Variants in TAFA2 observed in about 807,000 individuals in gnomAD.
The protein encoded by TAFA2 is chemokine-like protein TAFA-2.
Under a neutral mutation model 18.8 loss-of-function variants are expected in TAFA2, and 7 were observed. The observed-to-expected ratio is 0.37, with a 90% CI of 0.21 to 0.70. The LOEUF is 0.70. Among genes scored for constraint, TAFA2 ranks in the 30% least tolerant of loss-of-function variants. TAFA2 has a pLI of 0.53. For synonymous variants in TAFA2, 60 were observed against 54.2 expected (o/e 1.11, Z -0.47); for missense variants, 122 against 158.1 (o/e 0.77, Z 1.23).
At chr12:61,871,743 C>T (rs762137596) in intron 1 of TAFA2, among the ~76,000 whole-genome samples, 7 of 152,136 alleles carry the variant, frequency 4.6e-5, no homozygotes, top group Non-Finnish European at 1.0e-4. Flanking sequence ...CTTATGTACA[C>T]GGAACTTTAG....
chr12:61,962,781 G>A (rs2136655717), intron 1 of TAFA2, among the ~76,000 whole-genome samples: 1 of 151,756 alleles, frequency 6.6e-6, no homozygotes, highest in East Asian at 1.9e-4. Context: ...TTAAGTTCTG[G>A]GGTACATGTG....
At chr12:62,015,898 G>T (rs932545227) in intron 1 of TAFA2, among the ~76,000 whole-genome samples, 3 of 152,200 alleles carry the variant, frequency 2.0e-5, no homozygotes, top group African/African-American at 7.2e-5. Flanking sequence ...AGGGATAGGA[G>T]AATGGGGATT....
chr12:62,022,026 C>A, intron 1 of TAFA2: 1 of 631,434 alleles, frequency 1.6e-6, no homozygotes, highest in Non-Finnish European at 3.1e-6. Context: ...CTAGCGGCCA[C>A]CTTATCAGCA....
At chr12:62,130,770 A>T (rs1033502634) in intron 1 of TAFA2, among the ~76,000 whole-genome samples, 1 of 151,944 alleles carries the variant, frequency 6.6e-6, no homozygotes, top group African/African-American at 2.4e-5. Context: ...AAGTGTTCTG[A>T]TTTTCAAACA....
intron 2 of TAFA2, among the ~76,000 whole-genome samples, chr12:61,860,609 C>G (rs1306605289): frequency 2.9e-5 from 4 of 137,928 alleles, no homozygotes; most frequent in African/African-American, 7.5e-5. Context: ...GCTCTTTGCT[C>G]TTTGCTCTCT....
At chr12:61,794,153 C>T (rs1372532127) in intron 2 of TAFA2, among the ~76,000 whole-genome samples, 1 of 151,860 alleles carries the variant, frequency 6.6e-6, no homozygotes, top group African/African-American at 2.4e-5. Flanking sequence ...ACAAAGAAGT[C>T]CACTCCCACC....
chr12:61,947,549 T>A (rs1393340876), intron 1 of TAFA2, among the ~76,000 whole-genome samples: 2 of 152,158 alleles, frequency 1.3e-5, no homozygotes, highest in East Asian at 3.8e-4. Flanking sequence ...ACTAATGATG[T>A]GTTCTGATGT....
intron 1 of TAFA2, among the ~76,000 whole-genome samples, chr12:61,876,462 TG>T (rs1406203893): frequency 6.6e-6 from 1 of 152,206 alleles, no homozygotes; most frequent in African/African-American, 2.4e-5. Flanking sequence ...CCATCCAGTA[TG>T]GTCAATATGC....
chr12:62,168,945 TAC>T (rs147184565), intron 1 of TAFA2, among the ~76,000 whole-genome samples: 79 of 148,800 alleles, frequency 5.3e-4, no homozygotes, highest in African/African-American at 9.9e-4. Context: ...ACTCACTCTC[TAC>T]ACACACACAC....
At chr12:62,143,514 C>T (rs2062255187) in intron 1 of TAFA2, among the ~76,000 whole-genome samples, 1 of 152,112 alleles carries the variant, frequency 6.6e-6, no homozygotes, top group Non-Finnish European at 1.5e-5. Context: ...ATCTATAAAA[C>T]CTGTCCAGGG....
At chr12:62,246,323 C>A (rs2062886300) in intron 1 of TAFA2, among the ~76,000 whole-genome samples, 1 of 152,122 alleles carries the variant, frequency 6.6e-6, no homozygotes, top group African/African-American at 2.4e-5. Flanking sequence ...GCTATGTAAT[C>A]TCTAACTATG....
intron 1 of TAFA2, among the ~76,000 whole-genome samples, chr12:62,017,026 T>C (rs1410239141): frequency 6.6e-6 from 1 of 152,182 alleles, no homozygotes; most frequent in African/African-American, 2.4e-5. Flanking sequence ...CATAGCTAAA[T>C]TACTGAGGGC....
At chr12:62,235,436 T>C (rs1441542480) in intron 1 of TAFA2, 8 of 641,262 alleles carry the variant, frequency 1.2e-5, no homozygotes, top group African/African-American at 1.1e-4. Context: ...CTACTTATCC[T>C]GGGCAGCCTG....
chr12:61,766,612 C>A (rs1261680574), intron 2 of TAFA2, among the ~76,000 whole-genome samples: 2 of 152,006 alleles, frequency 1.3e-5, no homozygotes, highest in African/African-American at 4.8e-5. Context: ...TCTGTTTCCC[C>A]TACTAAATTT....
chr12:61,960,579 A>G (rs1488526885), intron 1 of TAFA2, among the ~76,000 whole-genome samples: 1 of 152,044 alleles, frequency 6.6e-6, no homozygotes. Flanking sequence ...GAGAGTGATT[A>G]TTCAACTACA....
chr12:61,812,402 G>A (rs992813143), intron 2 of TAFA2, among the ~76,000 whole-genome samples: 2 of 151,294 alleles, frequency 1.3e-5, no homozygotes, highest in Non-Finnish European at 1.5e-5. Flanking sequence ...TAAAAGTACT[G>A]CCAGAATAAA....
At chr12:62,235,807 C>G (rs2062834602) in intron 1 of TAFA2, among the ~76,000 whole-genome samples, 1 of 151,518 alleles carries the variant, frequency 6.6e-6, no homozygotes. Flanking sequence ...AGGCTGGACC[C>G]TTGGGCTCCA....
chr12:61,992,864 T>C (rs1446856427), intron 1 of TAFA2, among the ~76,000 whole-genome samples: 1 of 152,196 alleles, frequency 6.6e-6, no homozygotes, highest in Non-Finnish European at 1.5e-5. Flanking sequence ...CCTATGTTTG[T>C]TGAAAGAATA....
intron 2 of TAFA2, among the ~76,000 whole-genome samples, chr12:61,794,300 TA>T (rs1871103702): frequency 6.6e-6 from 1 of 151,972 alleles, no homozygotes; most frequent in Non-Finnish European, 1.5e-5. Flanking sequence ...TAGAAAACCA[TA>T]AGCAATCTAC....
Sources: allele counts gnomAD v4.1 joint callset (sites outside exome capture counted in the v4.1 genomes callset), GRCh38; gene constraint gnomAD v4.1.1; transcripts MANE v1.5; gene names NCBI Gene and HGNC (gene_info 2026-07-23, HGNC 2026-07-21).